Variants in CYP4F8 observed in about 807,000 individuals in gnomAD.
CYP4F8 encodes cytochrome P450 4F8.
Under a neutral mutation model 55.0 loss-of-function variants are expected in CYP4F8, and 56 were observed. That is an observed-to-expected ratio of 1.02 (90% CI 0.82 to 1.27). The LOEUF is 1.27. Among genes scored for constraint, CYP4F8 ranks in the 50% most tolerant of loss-of-function variants. The pLI is 0.00. For synonymous variants in CYP4F8, 288 were observed against 267.3 expected (o/e 1.08, Z -0.76); for missense variants, 680 against 682.4 (o/e 1.00, Z 0.04).
chr19:15,622,384 G>T lies in CYP4F8; in HGVS notation c.647+44G>T, dbSNP rs775697590. On this transcript the variant is annotated intron_variant, in intron 6 of 12. Coordinates refer to ENST00000612078, the MANE Select transcript of CYP4F8 (RefSeq NM_007253.4). ...CCTGGGAACATGGGATGGAGTGGGG[G>T]TGTGGGTGTGGGGAGAGCAAAGCCC... 4.4e-6 allele frequency: 7 copies of T among 1,590,940 alleles called. 1 individual carries two copies. Among genetic ancestry groups the T allele is most frequent in the Non-Finnish European group, 6.0e-6 (7 of 1,164,140 alleles).
At position 15,619,653 on chromosome 19, in the gene CYP4F8, G is replaced by A; in HGVS notation, c.416G>A (p.Ser139Asn). ...KPWLGDGLLL[S>N]VGDKWRHHRR... is the part of the protein sequence containing the mutation. ...GTACTAGGGGATGGGCTCTTGTTAA[G>A]TGTTGGTGACAAGTGGAGACACCAC... Residue 139 changes from serine (S) to asparagine (N), a missense_variant, in exon 5 of 13, where the codon AGT (serine) becomes AAT (asparagine). Physicochemically the swap from Ser to Asn is conservative, Grantham distance 46. Transcript: ENST00000612078. 6.2e-7 allele frequency: 1 copy of A among 1,614,228 alleles called. No homozygotes were observed. Among genetic ancestry groups the A allele is most frequent in the Non-Finnish European group, 8.5e-7 (1 of 1,180,044 alleles).
At chr19:15,629,086 GC>G (rs1972301546) in intron 12 of CYP4F8, 106 bp from the exon 13 acceptor site, 2 of 1,439,758 alleles carry the variant, frequency 1.4e-6, no homozygotes, top group Non-Finnish European at 1.8e-6. Flanking sequence ...CCCCCTGTCT[GC>G]CCAAGGTGAT....
At chr19:15,616,943 G>C (rs556205837) in intron 2 of CYP4F8, among the ~76,000 whole-genome samples, 2 of 151,882 alleles carry the variant, frequency 1.3e-5, no homozygotes, top group South Asian at 4.2e-4. Context: ...TGCAAAAGGT[G>C]CTCCCTGGTG....
rs184042023 is a variant in CYP4F8 at position 15,623,176 on chromosome 19, T to C, written c.719T>C (p.Phe240Ser). The C allele has an allele frequency of 1.3e-5, 21 of 1,614,040 alleles. No individual in the cohort carries two copies. Among genetic ancestry groups the C allele is most frequent in the Non-Finnish European group, 1.7e-5 (20 of 1,180,000 alleles). Residue 240 changes from phenylalanine (F) to serine (S), a missense_variant, in exon 7 of 13, where the codon TTC becomes TCC. Coordinates refer to ENST00000612078, the MANE Select transcript of CYP4F8 (RefSeq NM_007253.4). ...ALVVKRNNQFFRYKDFLYFLT... is the reference protein window; with the variant it reads ...ALVVKRNNQFSRYKDFLYFLT... The stretch of plus-strand genomic sequence containing the variant: ...GTAGTGAAACGGAATAACCAGTTCT[T>C]CCGGTACAAGGACTTCCTGTACTTC...
intron 3 of CYP4F8, chr19:15,619,028 A>T: frequency 5.8e-6 from 1 of 173,532 alleles, no homozygotes. Flanking sequence ...GTGTCTTTCC[A>T]TTGTGAGTGG....
At chr19:15,628,203 G>A in intron 9 of CYP4F8, 99 bp from the exon 10 acceptor site, 1 of 1,532,468 alleles carries the variant, frequency 6.5e-7, no homozygotes, top group South Asian at 1.2e-5. Flanking sequence ...AATTAATTTT[G>A]TTATAGGACT....
At chr19:15,617,030 C>T (rs975255326) in intron 2 of CYP4F8, among the ~76,000 whole-genome samples, 2 of 152,170 alleles carry the variant, frequency 1.3e-5, no homozygotes, top group African/African-American at 2.4e-5. Flanking sequence ...GAAGTTCCAC[C>T]GTGTACAGAC....
Position 15,619,674 on chromosome 19 carries a change from A to C in CYP4F8, c.437A>C (p.His146Pro). Reference protein sequence around the residue: ...LLLSVGDKWRHHRRLLTPAFH... With the variant: ...LLLSVGDKWRPHRRLLTPAFH... ...TTAAGTGTTGGTGACAAGTGGAGACACCACCGTCGCTTGCTGACGCCTGCC... is the reference window on the plus strand; with the variant it reads ...TTAAGTGTTGGTGACAAGTGGAGACCCCACCGTCGCTTGCTGACGCCTGCC... Residue 146 changes from histidine (H) to proline (P), a missense_variant, in exon 5 of 13, where the codon CAC becomes CCC. By Grantham distance (77) the His-to-Pro change is moderately conservative (BLOSUM62 -2). Coordinates refer to ENST00000612078, the MANE Select transcript of CYP4F8 (RefSeq NM_007253.4). 1 of 1,614,188 alleles carries C rather than the reference A, an allele frequency of 6.2e-7. No homozygotes were observed. Among genetic ancestry groups the C allele is most frequent in the Non-Finnish European group, 8.5e-7 (1 of 1,180,028 alleles).
At chr19:15,617,860 C>T in intron 2 of CYP4F8, 140 bp from the exon 3 acceptor site, 11 of 1,038,310 alleles carry the variant, frequency 1.1e-5, no homozygotes, top group Non-Finnish European at 1.5e-5. Context: ...GATCCTCCTT[C>T]CTCAGTTTTC....
intron 8 of CYP4F8, 32 bp from the exon 9 acceptor site, chr19:15,623,933 C>G: frequency 6.2e-7 from 1 of 1,611,716 alleles, no homozygotes. Flanking sequence ...TGAAGCAGCC[C>G]AGAGACTCAA....
Position 15,629,496 on chromosome 19 carries a change from G to C in CYP4F8, c.*138G>C. The C allele has an allele frequency of 8.0e-7, 1 of 1,251,048 alleles. No homozygotes were observed. Among genetic ancestry groups the C allele is most frequent in the East Asian group, 2.7e-5 (1 of 37,002 alleles). 77.5% of individuals were successfully genotyped at this position (1,251,048 alleles called of 1,614,324 possible). A position where few individuals can be genotyped will look rare whatever the true frequency, so the allele number is the denominator to read the frequency against. ...GGCCAGTAGGGGGCGCTGGAGGACT[G>C]CGGGGATCTAGGGCCTGGCTGGGAA... On this transcript the variant is annotated 3_prime_UTR_variant, in exon 13 of 13. Transcript: ENST00000612078.
Position 15,629,768 on chromosome 19 carries a change from G to T in CYP4F8, c.*410G>T, listed in dbSNP as rs568089775. 1 of 162,710 alleles carries T rather than the reference G, an allele frequency of 6.1e-6. No homozygotes were observed. Among genetic ancestry groups the T allele is most frequent in the East Asian group, 1.8e-4 (1 of 5,494 alleles). 10.1% of individuals were successfully genotyped at this position (162,710 alleles called of 1,614,324 possible). ...AAGCTCAATTGGTTAAGTGACTGTG[G>T]CTGTCCCATGTGTAGAAGCCAAAGA... On this transcript the variant is annotated 3_prime_UTR_variant, in exon 13 of 13. Coordinates refer to ENST00000612078, the MANE Select transcript of CYP4F8 (RefSeq NM_007253.4).
chr19:15,615,882 G>T, intron 2 of CYP4F8, 68 bp downstream of exon 2: 1 of 1,424,296 alleles, frequency 7.0e-7, no homozygotes, highest in Admixed American at 2.4e-5. Context: ...AGGCTGAGGG[G>T]GTGGGCTCGG....
In CYP4F8 at chr19:15,624,015, A is replaced by G. The variant is rs761064605; in HGVS notation, c.1036A>G (p.Arg346Gly). ...CTCCTGGGTCTTGTACAACCTCGCGAGGCACCCAGAATACCAAGAACGCTG... is the reference window on the plus strand; with the variant it reads ...CTCCTGGGTCTTGTACAACCTCGCGGGGCACCCAGAATACCAAGAACGCTG... ...GLSWVLYNLARHPEYQERCRQ... is the reference protein window; with the variant it reads ...GLSWVLYNLAGHPEYQERCRQ... The change falls in exon 9 of 13, where the codon AGG becomes GGG. Residue 346 changes from arginine to glycine, a missense_variant. Physicochemically the swap from Arg to Gly is moderately radical, Grantham distance 125. Coordinates refer to ENST00000612078, the MANE Select transcript of CYP4F8 (RefSeq NM_007253.4). The G allele has an allele frequency of 6.8e-6, 11 of 1,614,020 alleles. No individual in the cohort carries two copies. The South Asian group carries it at 9.9e-5, about 14-fold the overall frequency.
At chr19:15,620,262 G>A (rs1972176563) in intron 5 of CYP4F8, among the ~76,000 whole-genome samples, 1 of 152,124 alleles carries the variant, frequency 6.6e-6, no homozygotes. Flanking sequence ...GGCTGATTTA[G>A]GATGGCCTCA....
intron 8 of CYP4F8, 92 bp from the exon 9 acceptor site, chr19:15,623,873 C>T (rs1972227967): frequency 6.3e-7 from 1 of 1,595,832 alleles, no homozygotes; most frequent in Admixed American, 1.7e-5. Context: ...CCCCTCCCCT[C>T]AACCTTCCTG....
chr19:15,619,574 C>G (rs1246285662), intron 4 of CYP4F8, 31 bp downstream of exon 4: 1 of 1,614,144 alleles, frequency 6.2e-7, no homozygotes, highest in South Asian at 1.1e-5. Flanking sequence ...GGGACGGGGA[C>G]CAACTTTTGT....
intron 2 of CYP4F8, 28 bp downstream of exon 2, chr19:15,615,842 T>C (rs1972109217): frequency 6.3e-7 from 1 of 1,584,300 alleles, no homozygotes. Context: ...GGATCTAGTG[T>C]CTCAGGGTGG....
At chr19:15,627,942 A>G in intron 9 of CYP4F8, 1 of 228,836 alleles carries the variant, frequency 4.4e-6, no homozygotes, top group South Asian at 5.8e-5. Context: ...TGTTTTTAGT[A>G]GAGATGGGAT....
Sources: allele counts gnomAD v4.1 joint callset (sites outside exome capture counted in the v4.1 genomes callset), GRCh38; gene constraint gnomAD v4.1.1; transcripts MANE v1.5; gene names NCBI Gene and HGNC (gene_info 2026-07-23, HGNC 2026-07-21).